The following SCHIP1 variants were observed in gnomAD, a reference collection of about 807,000 sequenced individuals.
SCHIP1 encodes schwannomin-interacting protein 1.
SCHIP1 carries 8 observed loss-of-function variants against 29.7 expected under a neutral mutation model. The observed-to-expected ratio is 0.27, with a 90% CI of 0.16 to 0.49. The LOEUF is 0.49. SCHIP1 is among the 20% of genes least tolerant of loss of function. SCHIP1 has a pLI of 0.99. For synonymous variants in SCHIP1, 76 were observed against 94.9 expected (o/e 0.80, Z 1.16); for missense variants, 193 against 294.6 (o/e 0.66, Z 2.52).
the SCHIP1 span, among the ~76,000 whole-genome samples, chr3:159,545,701 CAT>C: frequency 2.7e-5 from 4 of 145,940 alleles, no homozygotes; most frequent in East Asian, 2.0e-4. Flanking sequence ...TAAAATTGTA[CAT>C]CTTTTGTACA....
chr3:159,513,580 T>C, the SCHIP1 span, among the ~76,000 whole-genome samples: 1 of 152,184 alleles, frequency 6.6e-6, no homozygotes, highest in African/African-American at 2.4e-5. Flanking sequence ...AACCAGCTGG[T>C]TGGCCCTCAC....
the SCHIP1 span, among the ~76,000 whole-genome samples, chr3:159,653,543 C>T: frequency 6.9e-6 from 1 of 145,154 alleles, no homozygotes; most frequent in Non-Finnish European, 1.5e-5. Context: ...ACAATGAGAA[C>T]ACATGGACCC....
At chr3:159,431,807 CAAAAAAA>C in the SCHIP1 span, among the ~76,000 whole-genome samples, 1 of 83,832 alleles carries the variant, frequency 1.2e-5, no homozygotes, top group Non-Finnish European at 2.5e-5. Flanking sequence ...GATTCCATCT[CAAAAAAA>C]AAAAAAAAAG....
At chr3:159,810,389 A>G in the SCHIP1 span, among the ~76,000 whole-genome samples, 1 of 152,222 alleles carries the variant, frequency 6.6e-6, no homozygotes, top group Non-Finnish European at 1.5e-5. Flanking sequence ...TAGTAAGCAT[A>G]GTTTTGTTCA....
the SCHIP1 span, among the ~76,000 whole-genome samples, chr3:159,491,820 C>A: frequency 6.6e-6 from 1 of 152,334 alleles, no homozygotes; most frequent in East Asian, 1.9e-4. Context: ...GGGTCCCTGA[C>A]CCCAAGTAGC....
At chr3:159,283,899 C>A in the SCHIP1 span, among the ~76,000 whole-genome samples, 2,131 of 152,224 alleles carry the variant, frequency 0.014, 37 homozygotes, top group African/African-American at 0.048. Context: ...TCTGTTCTTG[C>A]ATTGTGGTAT....
intron 2 of SCHIP1, among the ~76,000 whole-genome samples, chr3:159,871,372 G>A (rs1414212430): frequency 6.2e-5 from 7 of 113,060 alleles, no homozygotes; most frequent in African/African-American, 2.3e-4. Flanking sequence ...GGGGGGTGGG[G>A]GGGGGCTTAT....
the SCHIP1 span, among the ~76,000 whole-genome samples, chr3:159,819,838 G>A: frequency 6.6e-6 from 1 of 152,224 alleles, no homozygotes; most frequent in African/African-American, 2.4e-5. Context: ...CTGAGCTGGT[G>A]CCTGGGCCCT....
the SCHIP1 span, among the ~76,000 whole-genome samples, chr3:159,680,402 G>A: frequency 2.7e-5 from 4 of 147,646 alleles, no homozygotes; most frequent in South Asian, 2.1e-4. Flanking sequence ...CCAGCTACTC[G>A]AGAGGCTGAG....
the SCHIP1 span, among the ~76,000 whole-genome samples, chr3:159,643,935 T>C: frequency 8.5e-5 from 13 of 152,110 alleles, no homozygotes; most frequent in African/African-American, 3.1e-4. Context: ...CGAGCACCAC[T>C]CATCGTCAAC....
chr3:159,699,323 A>G, the SCHIP1 span, among the ~76,000 whole-genome samples: 2 of 152,210 alleles, frequency 1.3e-5, no homozygotes, highest in Non-Finnish European at 2.9e-5. Flanking sequence ...AACTTGACAG[A>G]AAGTGCTATT....
At chr3:159,703,595 T>G in the SCHIP1 span, among the ~76,000 whole-genome samples, 2 of 152,160 alleles carry the variant, frequency 1.3e-5, no homozygotes, top group African/African-American at 4.8e-5. Flanking sequence ...CCCTGACACT[T>G]CTCTGCTTTC....
the SCHIP1 span, among the ~76,000 whole-genome samples, chr3:159,640,925 G>T: frequency 6.6e-6 from 1 of 152,160 alleles, no homozygotes; most frequent in Non-Finnish European, 1.5e-5. Flanking sequence ...GATTAAATTT[G>T]CATAATCTGG....
Position 159,842,997 on chromosome 3 carries a change from C to CTTTT in SCHIP1, c.30+2786_30+2787insTTTT, listed in dbSNP as rs1440922016. The stretch of plus-strand genomic sequence containing the variant: ...GCTCTCCAGTTCTATCCCAATATTT[C>CTTTT]TTTCTTTTTTTTTTTTTTTTTTTTT... On this transcript the variant is annotated intron_variant, in intron 1 of 6. Coordinates refer to ENST00000445224, the Ensembl canonical transcript of SCHIP1. 4.5e-3 allele frequency among the ~76,000 whole-genome samples: 275 copies of CTTTT among 61,680 alleles called. 46 individuals carry two copies. In the Middle Eastern group the frequency reaches 0.061, roughly 14 times the overall value. The allele number at this position is 61,680 out of a possible 152,430, so 40.5% of individuals were successfully genotyped here.
the SCHIP1 span, among the ~76,000 whole-genome samples, chr3:159,313,174 A>G: frequency 1.3e-5 from 2 of 152,314 alleles, no homozygotes; most frequent in South Asian, 4.1e-4. Flanking sequence ...TTTATCAGTG[A>G]TTTATAAGGA....
the SCHIP1 span, among the ~76,000 whole-genome samples, chr3:159,578,062 GT>G: frequency 6.6e-6 from 1 of 152,150 alleles, no homozygotes; most frequent in African/African-American, 2.4e-5. Context: ...GAGGGACCCG[GT>G]TTTGGGGGGG....
chr3:159,685,170 A>G, the SCHIP1 span, among the ~76,000 whole-genome samples: 442 of 152,312 alleles, frequency 2.9e-3, 1 homozygote, highest in African/African-American at 0.01. Context: ...CCTGCCCCCC[A>G]AGGAACTTAT....
the SCHIP1 span, among the ~76,000 whole-genome samples, chr3:159,570,511 T>C: frequency 6.6e-6 from 1 of 152,296 alleles, no homozygotes; most frequent in East Asian, 1.9e-4. Flanking sequence ...TATATATCTG[T>C]TTTGGTACCA....
chr3:159,705,366 T>C, the SCHIP1 span, among the ~76,000 whole-genome samples: 1 of 152,064 alleles, frequency 6.6e-6, no homozygotes, highest in African/African-American at 2.4e-5. Flanking sequence ...AAATTGAGAA[T>C]AAAAGAGAAT....
Sources: gnomAD v4.1 joint callset for allele counts (sites outside exome capture counted in the v4.1 genomes callset) on GRCh38, gnomAD v4.1.1 for gene constraint, MANE v1.5 for transcripts, NCBI Gene and HGNC (gene_info 2026-07-23, HGNC 2026-07-21) for gene names.